VPS9D1: variants seen among roughly 807,000 people sequenced by gnomAD.
VPS9D1 encodes VPS9 domain-containing protein 1.
A neutral mutation model predicts 75.8 loss-of-function variants in VPS9D1; 78 were observed. That is an observed-to-expected ratio of 1.03 (90% CI 0.86 to 1.24). The LOEUF is 1.24. Ranked by LOEUF, VPS9D1 falls within the 50% of genes most tolerant of loss-of-function variation. VPS9D1 has a pLI of 0.00. For synonymous variants in VPS9D1, 481 were observed against 385.6 expected (o/e 1.25, Z -2.90); for missense variants, 1,057 against 847.7 (o/e 1.25, Z -3.07).
At chr16:89,711,443 C>A in intron 8 of VPS9D1, 31 bp from the exon 9 acceptor site, 1 of 1,573,114 alleles carries the variant, frequency 6.4e-7, no homozygotes, top group South Asian at 1.2e-5. Flanking sequence ...AAGGAAAGCA[C>A]GGTGGGTCCG....
At chr16:89,719,998 G>A (rs115382442) in intron 1 of VPS9D1, among the ~76,000 whole-genome samples, 2,980 of 152,326 alleles carry the variant, frequency 0.02, 100 homozygotes, top group African/African-American at 0.066. Flanking sequence ...GATTACAGGC[G>A]TGAACCACAG....
chr16:89,712,797 C>T (rs1269223066), intron 4 of VPS9D1, 81 bp from the exon 5 acceptor site: 6 of 1,278,572 alleles, frequency 4.7e-6, no homozygotes, highest in Non-Finnish European at 6.3e-6. Context: ...CTCATCCTCC[C>T]GGATTGCTCT....
At chr16:89,716,334 C>A (rs1379232595) in intron 4 of VPS9D1, 128 bp downstream of exon 4, 1 of 1,421,048 alleles carries the variant, frequency 7.0e-7, no homozygotes, top group South Asian at 1.2e-5. Context: ...CCGCTGCACT[C>A]CAGCCTGGGT....
In VPS9D1 at chr16:89,716,642, C is replaced by G; in HGVS notation, c.269-18G>C. The G allele has an allele frequency of 6.2e-7, 1 of 1,610,440 alleles. No individual in the cohort carries two copies. Among genetic ancestry groups the G allele is most frequent in the Non-Finnish European group, 8.5e-7 (1 of 1,177,310 alleles). On this transcript the variant is annotated intron_variant, in intron 3 of 14. Transcript: ENST00000389386. ...TGTTTTCCCTGCAAGCCATGGGTAA[C>G]CAGGGGTCAAGCGGTGGGCCACATC...
rs2060850453 is a variant in VPS9D1 at position 89,708,893 on chromosome 16, G to C, written c.1661C>G (p.Pro554Arg). 1 of 1,596,030 alleles carries C rather than the reference G, an allele frequency of 6.3e-7. No homozygotes were observed. The highest frequency in any genetic ancestry group is 1.8e-5 in the Admixed American group (1 of 54,902). The stretch of plus-strand genomic sequence containing the variant: ...AGCGATGGGCGGGGGCCCGGCCTGG[G>C]GTGTGGCCTCTGGGGTGGGGCAGTA... ...EDYCPTPEATPQAGPPPIAAA... is the reference protein window; with the variant it reads ...EDYCPTPEATRQAGPPPIAAA... Residue 554 changes from proline (P) to arginine (R), a missense_variant, in exon 13 of 15, where the codon CCC becomes CGC. By Grantham distance (103) the Pro-to-Arg change is moderately radical (BLOSUM62 -2). Transcript: ENST00000389386.
At chr16:89,711,817 G>A (rs1178350364) in intron 8 of VPS9D1, 65 bp downstream of exon 8, 2 of 1,475,518 alleles carry the variant, frequency 1.4e-6, no homozygotes, top group South Asian at 2.5e-5. Flanking sequence ...GCCCACCCAG[G>A]CGGCTCTGAC....
chr16:89,712,421 T>A, intron 6 of VPS9D1, 39 bp downstream of exon 6: 2 of 1,610,174 alleles, frequency 1.2e-6, no homozygotes, highest in Non-Finnish European at 1.7e-6. Context: ...CCACACTGAG[T>A]TTCCCCTCGG....
chr16:89,712,194 A>C, intron 6 of VPS9D1, 95 bp from the exon 7 acceptor site: 1 of 1,516,878 alleles, frequency 6.6e-7, no homozygotes, highest in Non-Finnish European at 8.9e-7. Flanking sequence ...CGTCCCAGGG[A>C]CCTCCTCTCG....
intron 2 of VPS9D1, among the ~76,000 whole-genome samples, chr16:89,718,826 G>T (rs1248502115): frequency 7.9e-5 from 12 of 151,314 alleles, no homozygotes; most frequent in African/African-American, 2.9e-4. Context: ...CAATTCTCCT[G>T]CCTCAGCCTC....
rs1190568532 is a variant in VPS9D1, at chr16:89,720,768, G to T, written c.94C>A (p.Pro32Thr). The change falls in exon 1 of 15, where the codon CCC becomes ACC. Residue 32 changes from proline to threonine, a missense_variant. By Grantham distance (38) the Pro-to-Thr change is conservative (BLOSUM62 -1). Coordinates refer to ENST00000389386, the MANE Select transcript of VPS9D1 (RefSeq NM_004913.3). ...GAIELDTGNR[P>T]REAYTEYLRS... Reference sequence around the variant, plus strand: ...CCGCCCCCGCCCCGCCTCACCCGGGGCCGGTTGCCGGTGTCCAGCTCGATG... The same window carrying T: ...CCGCCCCCGCCCCGCCTCACCCGGGTCCGGTTGCCGGTGTCCAGCTCGATG... 3 of 1,450,776 alleles carry T rather than the reference G, an allele frequency of 2.1e-6. No homozygotes were observed. The highest frequency in any genetic ancestry group is 9.1e-7 in the Non-Finnish European group (1 of 1,098,174). The allele number at this position is 1,450,776 out of a possible 1,614,324, so 89.9% of individuals were successfully genotyped here. A position where few individuals can be genotyped will look rare whatever the true frequency, so the allele number is the denominator to read the frequency against.
intron 4 of VPS9D1, among the ~76,000 whole-genome samples, chr16:89,715,544 CAG>C (rs2061043852): frequency 2.0e-5 from 3 of 148,024 alleles, no homozygotes; most frequent in South Asian, 4.3e-4. Flanking sequence ...TTTTTTTAGA[CAG>C]AGTCTCATTT....
chr16:89,711,807 G>A, intron 8 of VPS9D1, 75 bp downstream of exon 8: 4 of 1,488,548 alleles, frequency 2.7e-6, no homozygotes, highest in Non-Finnish European at 3.6e-6. Flanking sequence ...CCCCACGGGG[G>A]CCCACCCAGG....
In VPS9D1 at chr16:89,719,024, T is replaced by C. The variant is rs757988635; in HGVS notation, c.175+3A>G. 4 of 1,612,572 alleles carry C rather than the reference T, an allele frequency of 2.5e-6. No individual in the cohort carries two copies. The highest frequency in any genetic ancestry group is 1.3e-5 in the African/African-American group (1 of 75,070). ...CCACCGCGCCCGGCTGGCTGAGCCG[T>C]ACCTTTAGTGGTTTCCACTTCTTCT... is the stretch of plus-strand genomic sequence containing the variant. On this transcript the variant is annotated splice_donor_region_variant and intron_variant, in intron 2 of 14. Transcript: ENST00000389386.
At chr16:89,720,124 C>CG (rs1393484714) in intron 1 of VPS9D1, among the ~76,000 whole-genome samples, 3 of 152,172 alleles carry the variant, frequency 2.0e-5, no homozygotes, top group Non-Finnish European at 4.4e-5. Context: ...TTCTGACTTG[C>CG]GGGGGCACCT....
intron 11 of VPS9D1, 128 bp downstream of exon 11, chr16:89,709,649 T>C: frequency 6.7e-7 from 1 of 1,482,606 alleles, no homozygotes; most frequent in South Asian, 1.2e-5. Context: ...AAGCACAGGC[T>C]AGGGGGAGCA....
chr16:89,711,981 G>A lies in VPS9D1; in HGVS notation c.660-12C>T. On this transcript the variant is annotated splice_polypyrimidine_tract_variant and intron_variant, in intron 7 of 14. Transcript: ENST00000389386. ...GGCTGCAAAACCTCCTGGGGAGAAAGGCACGCGGTGGGTGCCGGGGCCAGG... is the reference window on the plus strand; with the variant it reads ...GGCTGCAAAACCTCCTGGGGAGAAAAGCACGCGGTGGGTGCCGGGGCCAGG... The A allele has an allele frequency of 1.3e-6, 2 of 1,550,436 alleles. No individual in the cohort carries two copies. The highest frequency in any genetic ancestry group is 1.7e-6 in the Non-Finnish European group (2 of 1,146,704).
At position 89,710,599 on chromosome 16, in the gene VPS9D1, G is replaced by A; in HGVS notation, c.1245C>T (p.Ile415=). 6.3e-7 allele frequency: 1 copy of A among 1,599,040 alleles called. No individual in the cohort carries two copies. Among genetic ancestry groups the A allele is most frequent in the Admixed American group, 1.7e-5 (1 of 59,666 alleles). The change falls in exon 10 of 15, where the codon ATC becomes ATT. Residue 415 remains isoleucine, a synonymous_variant. Transcript: ENST00000389386. ...GCCTGGCCTCACCTACGGCATTGTG[G>A]ATCTCCTCCACCGCGGTCTTCAGCT... ...LQQLKTAVEE[I]HNAVDRLLSL...
At chr16:89,720,643 C>G in intron 1 of VPS9D1, 120 bp downstream of exon 1, 1 of 1,230,208 alleles carries the variant, frequency 8.1e-7, no homozygotes, top group South Asian at 3.0e-5. Flanking sequence ...GGCCCGGGAT[C>G]CCGGCTGGCG....
rs781264612 is a variant in VPS9D1, at chr16:89,707,945, G to C, written c.1812C>G (p.Ile604Met). The C allele has an allele frequency of 1.9e-6, 3 of 1,612,814 alleles. No individual in the cohort carries two copies. The highest frequency in any genetic ancestry group is 2.5e-6 in the Non-Finnish European group (3 of 1,179,924). Reference sequence around the variant, plus strand: ...ATGTGAGGCAGTAGCCCTCCTCTCCGATCAGGTACCTGCATGGATGGCAGG... The same window carrying C: ...ATGTGAGGCAGTAGCCCTCCTCTCCCATCAGGTACCTGCATGGATGGCAGG... ...LEEFIHEGYLIGEEGYCLTSL... is the reference protein window; with the variant it reads ...LEEFIHEGYLMGEEGYCLTSL... The change falls in exon 15 of 15, where the codon ATC (isoleucine) becomes ATG (methionine). Residue 604 changes from isoleucine to methionine, a missense_variant. Physicochemically the swap from Ile to Met is conservative, Grantham distance 10. Transcript: ENST00000389386.
Sources: gnomAD v4.1 joint callset for allele counts (sites outside exome capture counted in the v4.1 genomes callset) on GRCh38, gnomAD v4.1.1 for gene constraint, MANE v1.5 for transcripts, NCBI Gene and HGNC (gene_info 2026-07-23, HGNC 2026-07-21) for gene names.